Variants in SIAH1 observed in about 807,000 individuals in gnomAD.
SIAH1 encodes the protein E3 ubiquitin-protein ligase SIAH1.
Under a neutral mutation model 20.0 loss-of-function variants are expected in SIAH1, and 2 were observed. The ratio of observed to expected loss-of-function variants is 0.10; its 90% CI spans 0.04 to 0.31. SIAH1 has a LOEUF of 0.31. Among genes scored for constraint, SIAH1 ranks in the 10% least tolerant of loss-of-function variants. The pLI is 1.00. For synonymous variants in SIAH1, 118 were observed against 125.3 expected (o/e 0.94, Z 0.39); for missense variants, 119 against 355.3 (o/e 0.33, Z 5.35).
intron 1 of SIAH1, among the ~76,000 whole-genome samples, chr16:48,384,601 G>A (rs573782398): frequency 8.2e-4 from 125 of 152,152 alleles, no homozygotes; most frequent in African/African-American, 2.8e-3. Context: ...TGAAGCCTCC[G>A]GCCGAAGCGG....
intron 1 of SIAH1, chr16:48,365,630 T>G: frequency 2.8e-6 from 4 of 1,432,640 alleles, no homozygotes; most frequent in Middle Eastern, 2.6e-4. Context: ...GTTACAGAGG[T>G]GGAGAAAGGA....
intron 1 of SIAH1, among the ~76,000 whole-genome samples, chr16:48,377,873 T>A (rs904641561): frequency 6.6e-6 from 1 of 151,994 alleles, no homozygotes; most frequent in Non-Finnish European, 1.5e-5. Context: ...AGCCTTTGAG[T>A]TTGAGACCAG....
At chr16:48,386,608 A>G (rs558910156), upstream of SIAH1, among the ~76,000 whole-genome samples, 1 of 152,392 alleles carries the variant, frequency 6.6e-6, no homozygotes, top group South Asian at 2.1e-4. Context: ...AGTTTACAGT[A>G]TTCCTAATTA....
rs1329692848 is a variant in SIAH1 at position 48,385,410 on chromosome 16, C to T, written c.-209G>A. 1.9e-5 allele frequency: 3 copies of T among 154,058 alleles called. No homozygotes were observed. The highest frequency in any genetic ancestry group is 4.3e-5 in the Non-Finnish European group (3 of 70,442). 9.5% of individuals were successfully genotyped at this position (154,058 alleles called of 1,614,324 possible). On this transcript the variant is annotated 5_prime_UTR_variant, in exon 1 of 2. Transcript: ENST00000394725. Reference sequence around the variant, plus strand: ...CCGCCGCCGCCGCCGTTTCGCGCGTCCTCGAGCCCGCCGCGCGCCCCCGCT... The same window carrying T: ...CCGCCGCCGCCGCCGTTTCGCGCGTTCTCGAGCCCGCCGCGCGCCCCCGCT...
Position 48,362,555 on chromosome 16 carries a change from G to A in SIAH1, c.-2-125C>T, listed in dbSNP as rs1355323683. The A allele has an allele frequency of 1.2e-5, 11 of 890,412 alleles. No homozygotes were observed. Among genetic ancestry groups the A allele is most frequent in the Non-Finnish European group, 1.9e-5 (11 of 585,798 alleles). The allele number at this position is 890,412 out of a possible 1,614,324, so 55.2% of individuals were successfully genotyped here. On this transcript the variant is annotated intron_variant, in intron 1 of 1. Coordinates refer to ENST00000394725, the MANE Select transcript of SIAH1 (RefSeq NM_003031.4). The surrounding 1 kb of genome is among the most constrained non-coding windows in gnomAD (Gnocchi z 4.2). ...CAAAATTTACTGAGCAAAAGAGGAAGAAAAATAGGATTAAAAAAGATATTA... is the reference window on the plus strand; with the variant it reads ...CAAAATTTACTGAGCAAAAGAGGAAAAAAAATAGGATTAAAAAAGATATTA...
chr16:48,365,626 G>A, intron 1 of SIAH1: 2 of 1,438,890 alleles, frequency 1.4e-6, no homozygotes, highest in Admixed American at 2.7e-5. Flanking sequence ...ACCAGTTACA[G>A]AGGTGGAGAA....
At chr16:48,387,160 C>T (rs1961483384), upstream of SIAH1, 2 of 152,372 alleles carry the variant, frequency 1.3e-5, no homozygotes, top group South Asian at 4.1e-4. Context: ...ACGTCAGGCA[C>T]CCAGAAGCAA....
At position 48,361,430 on chromosome 16, in the gene SIAH1, TTC is replaced by T. The variant is rs1960588897; in HGVS notation, c.*148_*149del. The T allele has an allele frequency of 1.4e-6, 1 of 697,152 alleles. No homozygotes were observed. The highest frequency in any genetic ancestry group is 2.4e-6 in the Non-Finnish European group (1 of 415,690). 43.2% of individuals were successfully genotyped at this position (697,152 alleles called of 1,614,324 possible). ...TATTAGTGTTACTACATGCAACTGT[TTC>T]CTGTATTTAACAGCCTTTCTTTTTA... On this transcript the variant is annotated 3_prime_UTR_variant, in exon 2 of 2. Transcript: ENST00000394725.
intron 1 of SIAH1, among the ~76,000 whole-genome samples, chr16:48,382,381 C>CA (rs770946714): frequency 9.0e-4 from 134 of 148,790 alleles, no homozygotes; most frequent in Admixed American, 3.5e-3. Flanking sequence ...AAGACTATCT[C>CA]AAAAAAAAAT....
chr16:48,371,114 CAAAAA>C (rs11342599), intron 1 of SIAH1, among the ~76,000 whole-genome samples: 2 of 111,394 alleles, frequency 1.8e-5, no homozygotes, highest in East Asian at 3.1e-4. Flanking sequence ...AATTCCATCT[CAAAAA>C]AAAAAAAAAA....
chr16:48,365,559 G>A (rs553358404), intron 1 of SIAH1: 1 of 1,538,010 alleles, frequency 6.5e-7, no homozygotes, highest in South Asian at 1.2e-5. Flanking sequence ...CCTAAGCACA[G>A]AAGACCCAAA....
chr16:48,372,445 T>C (rs1005946067), intron 1 of SIAH1, among the ~76,000 whole-genome samples: 4 of 152,190 alleles, frequency 2.6e-5, no homozygotes, highest in South Asian at 2.1e-4. Flanking sequence ...AAATTTAATA[T>C]TTTACTTTCA....
In SIAH1 at chr16:48,362,452, G is replaced by C. The variant is rs1960629485; in HGVS notation, c.-2-22C>G. ...ATTTCTGAAATAAATACATAAGGAGGCAGGAGAAAAATAATTATAACCATG... is the reference window on the plus strand; with the variant it reads ...ATTTCTGAAATAAATACATAAGGAGCCAGGAGAAAAATAATTATAACCATG... On this transcript the variant is annotated intron_variant, in intron 1 of 1. Coordinates refer to ENST00000394725, the MANE Select transcript of SIAH1 (RefSeq NM_003031.4). This position sits in a 1 kb window ranked among gnomAD's most constrained non-coding sequence, Gnocchi z 4.2. 1.2e-6 allele frequency: 2 copies of C among 1,609,014 alleles called. No individual in the cohort carries two copies. Among genetic ancestry groups the C allele is most frequent in the South Asian group, 2.2e-5 (2 of 90,496 alleles).
At chr16:48,382,320 G>A (rs1961318560) in intron 1 of SIAH1, among the ~76,000 whole-genome samples, 1 of 151,960 alleles carries the variant, frequency 6.6e-6, no homozygotes, top group African/African-American at 2.4e-5. Context: ...CCAGTTGGAG[G>A]CCACAATAAG....
intron 1 of SIAH1, chr16:48,365,764 A>G (rs1462383746): frequency 3.7e-6 from 5 of 1,344,924 alleles, no homozygotes; most frequent in South Asian, 2.2e-5. Context: ...CTGTCTCCCA[A>G]GTTTGTTTTC....
At position 48,362,491 on chromosome 16, in the gene SIAH1, A is replaced by G; in HGVS notation, c.-2-61T>C. On this transcript the variant is annotated intron_variant, in intron 1 of 1. Transcript: ENST00000394725. This position sits in a 1 kb window ranked among gnomAD's most constrained non-coding sequence, Gnocchi z 4.2. ...ATTATAACCATGACTTACTTTATAA[A>G]TAATGTTTACATGCCATAAGTCCTT... The G allele has an allele frequency of 6.4e-7, 1 of 1,552,730 alleles. No homozygotes were observed.
intron 1 of SIAH1, among the ~76,000 whole-genome samples, chr16:48,380,451 CA>C (rs200621608): frequency 6.9e-6 from 1 of 145,616 alleles, no homozygotes; most frequent in Non-Finnish European, 1.5e-5. Context: ...ACTCTGTCTC[CA>C]AAAAAACAAA....
chr16:48,379,223 A>T (rs1042545603), intron 1 of SIAH1, among the ~76,000 whole-genome samples: 3 of 151,076 alleles, frequency 2.0e-5, no homozygotes, highest in African/African-American at 4.9e-5. Context: ...ACACTCTAGC[A>T]TTAGGACATG....
At chr16:48,380,481 T>C (rs1737585850) in intron 1 of SIAH1, among the ~76,000 whole-genome samples, 1 of 149,122 alleles carries the variant, frequency 6.7e-6, no homozygotes, top group Non-Finnish European at 1.5e-5. Flanking sequence ...AAACAAAAAC[T>C]CACCAATAAC....
Sources: gnomAD v4.1 joint callset for allele counts (sites outside exome capture counted in the v4.1 genomes callset) on GRCh38, gnomAD v4.1.1 for gene constraint, Gnocchi (gnomAD v3.1) non-coding constraint, MANE v1.5 for transcripts, NCBI Gene and HGNC (gene_info 2026-07-23, HGNC 2026-07-21) for gene names.